Variants in ATP2B2 observed in about 807,000 individuals in gnomAD.
The protein encoded by ATP2B2 is plasma membrane calcium-transporting ATPase 2.
In ATP2B2, 15 loss-of-function variants were observed where a neutral mutation model predicts 120.0. That is an observed-to-expected ratio of 0.12 (90% CI 0.08 to 0.19). The LOEUF is 0.19. ATP2B2 is among the 10% of genes least tolerant of loss of function. ATP2B2 has a pLI of 1.00. For missense variants in ATP2B2, 1,045 were observed against 1,719.8 expected (o/e 0.61, Z 6.94); for synonymous variants, 694 against 700.3 (o/e 0.99, Z 0.14).
intron 3 of ATP2B2, among the ~76,000 whole-genome samples, chr3:10,515,495 C>A (rs561389011): frequency 2.6e-5 from 4 of 152,298 alleles, no homozygotes; most frequent in Admixed American, 1.3e-4. Flanking sequence ...GGACCTCCCC[C>A]AAGGGTGGTA....
At position 10,378,254 on chromosome 3, in the gene ATP2B2, G is replaced by A; in HGVS notation, c.1199C>T (p.Ala400Val). 6.2e-7 allele frequency: 1 copy of A among 1,606,354 alleles called. No individual in the cohort carries two copies. ...LTKLAVQIGK[A>V]GLVMSAITVI... ...TGCCTCCCACCTGCTGCACTCACCC[G>A]CCTTCCCGATCTGCACAGCCAGCTT... The change falls in exon 10 of 23, where the codon GCG (alanine) becomes GTG (valine). Residue 400 changes from alanine (A) to valine (V), a missense_variant and splice_region_variant. Around this residue, in one of 11 missense-constraint regions of ATP2B2, gnomAD observed 343 missense variants for 536.8 expected, o/e 0.64. Transcript: ENST00000360273.
chr3:10,497,145 A>G (rs1463492643), intron 1 of ATP2B2, among the ~76,000 whole-genome samples: 1 of 152,220 alleles, frequency 6.6e-6, no homozygotes, highest in Non-Finnish European at 1.5e-5. Context: ...GGAAGACAGA[A>G]ACGACTTCTA....
At chr3:10,352,186 C>A (rs1031081816) in intron 14 of ATP2B2, among the ~76,000 whole-genome samples, 16 of 152,268 alleles carry the variant, frequency 1.1e-4, no homozygotes, top group South Asian at 2.1e-4. Flanking sequence ...CCACCACCAT[C>A]GTCTCAAGCT....
At chr3:10,470,531 G>C (rs2064939818) in intron 1 of ATP2B2, among the ~76,000 whole-genome samples, 1 of 152,194 alleles carries the variant, frequency 6.6e-6, no homozygotes, top group East Asian at 1.9e-4. Context: ...GTAACACTGG[G>C]GCAGGGGGTG....
chr3:10,388,283 T>A lies in ATP2B2; in HGVS notation c.901A>T (p.Lys301Ter). 6.2e-7 allele frequency: 1 copy of A among 1,614,202 alleles called. No homozygotes were observed. Residue 301 changes from lysine (K) to a stop codon, truncating the protein, a stop_gained, in exon 6 of 23, where the codon AAA (lysine) becomes TAA (stop). Coordinates refer to ENST00000360273, the MANE Select transcript of ATP2B2 (RefSeq NM_001001331.4). LOFTEE classifies it high-confidence loss of function. Reference sequence around the variant, plus strand: ...GCAAGGGGATTAGGCTTACCTTTTTTGTCTTTCTTCTCTTCCTCTTCACCA... The same window carrying A: ...GCAAGGGGATTAGGCTTACCTTTTTAGTCTTTCTTCTCTTCCTCTTCACCA... ...AGGEEEEKKD[K>*]KGVKKGDGLQ...
chr3:10,681,353 C>T (rs1259454816), intron 1 of ATP2B2, among the ~76,000 whole-genome samples: 2 of 152,220 alleles, frequency 1.3e-5, no homozygotes, highest in Admixed American at 6.5e-5. Flanking sequence ...TGATTGCAAT[C>T]TCTCTGCTGT....
chr3:10,531,557 A>G (rs577217423), intron 3 of ATP2B2, among the ~76,000 whole-genome samples: 11 of 152,248 alleles, frequency 7.2e-5, no homozygotes, highest in Non-Finnish European at 1.6e-4. Context: ...AGGCCCTGGC[A>G]CAAGGCGAGC....
At chr3:10,540,011 C>A (rs894883037) in intron 2 of ATP2B2, among the ~76,000 whole-genome samples, 3 of 152,194 alleles carry the variant, frequency 2.0e-5, no homozygotes, top group Non-Finnish European at 4.4e-5. Context: ...AGAACTTAAA[C>A]AAATTTACAA....
intron 2 of ATP2B2, among the ~76,000 whole-genome samples, chr3:10,415,790 A>G (rs1458423807): frequency 6.6e-6 from 1 of 152,252 alleles, no homozygotes; most frequent in Admixed American, 6.5e-5. Context: ...TTACCGGACA[A>G]AGGCAGCGAG....
intron 2 of ATP2B2, among the ~76,000 whole-genome samples, chr3:10,607,794 T>C (rs1201239921): frequency 6.6e-6 from 1 of 152,176 alleles, no homozygotes; most frequent in African/African-American, 2.4e-5. Context: ...ACATGTAGAT[T>C]TGGAGGGTGT....
At chr3:10,585,014 C>T (rs1259250649) in intron 2 of ATP2B2, among the ~76,000 whole-genome samples, 1 of 152,236 alleles carries the variant, frequency 6.6e-6, no homozygotes, top group Admixed American at 6.5e-5. Context: ...GGATCTCTTC[C>T]TCCTCCTCCC....
upstream of ATP2B2, chr3:10,708,021 C>T (rs1289326018): frequency 6.8e-6 from 1 of 146,000 alleles, no homozygotes; most frequent in Admixed American, 6.8e-5. Context: ...GCTCCTCTGC[C>T]GCGGCTGCCC....
rs1424492339 is a variant in ATP2B2, at chr3:10,347,098, G to T, written c.2405-961C>A. Among the ~76,000 whole-genome samples the T allele has an allele frequency of 6.6e-6, 1 of 151,908 alleles. No individual in the cohort carries two copies. The highest frequency in any genetic ancestry group is 2.4e-5 in the African/African-American group (1 of 41,326). ...ATGTCGTTTTCCTGCTTCCCCCCTT[G>T]GTCTCAGGATAACATCCATGTTCTT... is the stretch of plus-strand genomic sequence containing the variant. On this transcript the variant is annotated intron_variant, in intron 16 of 22. Coordinates refer to ENST00000360273, the MANE Select transcript of ATP2B2 (RefSeq NM_001001331.4). The surrounding 1 kb of genome is among the most constrained non-coding windows in gnomAD (Gnocchi z 5.2).
At chr3:10,630,808 T>C (rs1263666502) in intron 1 of ATP2B2, among the ~76,000 whole-genome samples, 1 of 149,954 alleles carries the variant, frequency 6.7e-6, no homozygotes, top group East Asian at 2.0e-4. Flanking sequence ...ATTAGCCCAA[T>C]TTGGCAATGA....
chr3:10,360,751 G>A (rs1158231791), intron 12 of ATP2B2, among the ~76,000 whole-genome samples: 1 of 152,196 alleles, frequency 6.6e-6, no homozygotes, highest in Non-Finnish European at 1.5e-5. Context: ...CGAACTTGTG[G>A]AGAGTTCACC....
At chr3:10,580,457 AG>A (rs2068362624) in intron 2 of ATP2B2, among the ~76,000 whole-genome samples, 1 of 152,192 alleles carries the variant, frequency 6.6e-6, no homozygotes, top group South Asian at 2.1e-4. Flanking sequence ...ACATAAAGGA[AG>A]CAGTGATTCT....
In ATP2B2 at chr3:10,402,117, A is replaced by G. The variant is rs1323990065; in HGVS notation, c.629T>C (p.Val210Ala). 1.2e-6 allele frequency: 2 copies of G among 1,614,088 alleles called. No homozygotes were observed. The highest frequency in any genetic ancestry group is 1.1e-5 in the South Asian group (1 of 91,078). The change falls in exon 4 of 23, where the codon GTT becomes GCT. Residue 210 changes from valine (V) to alanine (A), a missense_variant. Physicochemically the swap from Val to Ala is moderately conservative, Grantham distance 64 (BLOSUM62 0). Coordinates refer to ENST00000360273, the MANE Select transcript of ATP2B2 (RefSeq NM_001001331.4). The surrounding 1 kb of genome is among the most constrained non-coding windows in gnomAD (Gnocchi z 4.9). The stretch of plus-strand genomic sequence containing the variant: ...ATATTTGACCTGGGCTATGTCCCCA[A>G]CCACGATCTCAGCCACAGGGATCTG... ...VVQIPVAEIV[V>A]GDIAQVKYGD...
chr3:10,404,373 A>G (rs1461737531), intron 3 of ATP2B2, among the ~76,000 whole-genome samples: 1 of 152,224 alleles, frequency 6.6e-6, no homozygotes, highest in African/African-American at 2.4e-5. Flanking sequence ...AATGGTAACC[A>G]AGTTTGAATC....
At chr3:10,529,279 C>T (rs982610123) in intron 3 of ATP2B2, among the ~76,000 whole-genome samples, 1 of 152,188 alleles carries the variant, frequency 6.6e-6, no homozygotes, top group African/African-American at 2.4e-5. Context: ...ATTTTGGGAA[C>T]GATCTTCCTG....
Sources: allele counts gnomAD v4.1 joint callset (sites outside exome capture counted in the v4.1 genomes callset), GRCh38; gene constraint gnomAD v4.1.1; regional missense constraint gnomAD v4.1.1; non-coding constraint Gnocchi (gnomAD v3.1); transcripts MANE v1.5; gene names NCBI Gene and HGNC (gene_info 2026-07-23, HGNC 2026-07-21).